The following IPO13 variants were observed in gnomAD, a reference collection of about 807,000 sequenced individuals.
IPO13 encodes the protein importin 13.
In IPO13, 28 loss-of-function variants were observed where a neutral mutation model predicts 115.5. The ratio of observed to expected loss-of-function variants is 0.24; its 90% confidence interval spans 0.18 to 0.33. IPO13 has a LOEUF of 0.33. IPO13 is among the 10% of genes least tolerant of loss of function. The pLI, the probability that IPO13 is intolerant of heterozygous loss-of-function variation, is 1.00. For missense variants in IPO13, 785 were observed against 1,204.6 expected, an observed-to-expected ratio of 0.65 and a Z score of 5.16; for synonymous variants, 414 against 478.9, an observed-to-expected ratio of 0.86 and a Z score of 1.77.
chr1:43,948,884 GC>G, intron 1 of IPO13, among the ~76,000 whole-genome samples: 1 of 152,324 alleles, frequency 6.6e-6, no homozygotes, highest in East Asian at 1.9e-4. Flanking sequence ...CAGCATGTCT[GC>G]CCCAGGGCTG....
intron 2 of IPO13, among the ~76,000 whole-genome samples, chr1:43,955,066 C>T (rs1330906854): frequency 6.6e-6 from 1 of 152,196 alleles, no homozygotes; most frequent in African/African-American, 2.4e-5. Context: ...TGAGAGGTGT[C>T]TTTATTCTTC....
In IPO13 at chr1:43,957,267, C is replaced by T; in HGVS notation, c.1344C>T (p.Asp448=). The T allele has an allele frequency of 6.2e-7, 1 of 1,614,126 alleles. No homozygotes were observed. ...CCGAGCTGCTCAGCAACCTCTATGA[C>T]AAGCTGGGTCGTTTGCTCACCAGCT... ...LGAELLSNLY[D]KLGRLLTSSE... is the part of the protein sequence containing the mutation. The change falls in exon 6 of 20, where the codon GAC becomes GAT. Residue 448 remains aspartate (D), a synonymous_variant. Transcript: ENST00000372343.
At chr1:43,953,716 A>AT (rs918486812) in intron 2 of IPO13, among the ~76,000 whole-genome samples, 52 of 151,004 alleles carry the variant, frequency 3.4e-4, no homozygotes, top group Admixed American at 7.9e-4. Context: ...TTTGAAATGT[A>AT]TTTTTTTTTC....
In IPO13 at chr1:43,956,801, C is replaced by T. The variant is rs930686297; in HGVS notation, c.1105-9C>T. On this transcript the variant is annotated splice_polypyrimidine_tract_variant and intron_variant, in intron 4 of 19. Transcript: ENST00000372343. This position sits in a 1 kb window ranked among gnomAD's most constrained non-coding sequence, Gnocchi z 4.7. ...TGAGGTGGCTAATTCTCTTCCCTGG[C>T]TCTCTCAGGATGATATTCTATCCTT... 8 of 1,613,910 alleles carry T rather than the reference C, an allele frequency of 5.0e-6. No homozygotes were observed.
intron 2 of IPO13, among the ~76,000 whole-genome samples, chr1:43,950,965 C>T (rs769264671): frequency 4.6e-5 from 7 of 152,012 alleles, no homozygotes; most frequent in South Asian, 2.1e-4. Context: ...TTTACTTTGT[C>T]GCATTGTGCT....
Position 43,967,684 on chromosome 1 carries a change from G to A in IPO13, c.*2G>A. 1 of 1,613,802 alleles carries A rather than the reference G, an allele frequency of 6.2e-7. No individual in the cohort carries two copies. The highest frequency in any genetic ancestry group is 8.5e-7 in the Non-Finnish European group (1 of 1,179,682). ...ACAGATTACACAGCTGACTACTGAGGGGTGCCCCCATCCCATCCACCCCTT... is the reference window on the plus strand; with the variant it reads ...ACAGATTACACAGCTGACTACTGAGAGGTGCCCCCATCCCATCCACCCCTT... On this transcript the variant is annotated 3_prime_UTR_variant, in exon 20 of 20. Transcript: ENST00000372343. The surrounding 1 kb of genome is among the most constrained non-coding windows in gnomAD (Gnocchi z 6.1).
chr1:43,957,054 G>T, intron 5 of IPO13, 78 bp downstream of exon 5: 1 of 1,570,876 alleles, frequency 6.4e-7, no homozygotes, highest in Non-Finnish European at 8.6e-7. Flanking sequence ...CCAAGTCCAG[G>T]CTTTCTGAAT....
intron 14 of IPO13, 68 bp downstream of exon 14, chr1:43,961,330 CCAAA>C: frequency 1.6e-6 from 2 of 1,237,336 alleles, no homozygotes; most frequent in Non-Finnish European, 2.4e-6. Context: ...AAATGGGGAG[CCAAA>C]GCTGCCCACT....
Position 43,958,950 on chromosome 1 carries a change from G to A in IPO13, c.2028+61G>A, listed in dbSNP as rs766754320. ...TTTGCCATCCCCCCAACCCCCACCT[G>A]TGGGAATGTCATTGTCACTCTTCAA... is the stretch of plus-strand genomic sequence containing the variant. On this transcript the variant is annotated intron_variant, in intron 11 of 19. Transcript: ENST00000372343. This position sits in a 1 kb window ranked among gnomAD's most constrained non-coding sequence, Gnocchi z 6.3. 2.0e-6 allele frequency: 3 copies of A among 1,484,624 alleles called. No homozygotes were observed. Among genetic ancestry groups the A allele is most frequent in the Non-Finnish European group, 2.8e-6 (3 of 1,069,706 alleles). 92.0% of individuals were successfully genotyped at this position (1,484,624 alleles called of 1,614,324 possible).
At position 43,964,317 on chromosome 1, in the gene IPO13, C is replaced by A; in HGVS notation, c.2393C>A (p.Ala798Glu). The A allele has an allele frequency of 6.2e-7, 1 of 1,602,836 alleles. No homozygotes were observed. Among genetic ancestry groups the A allele is most frequent in the Non-Finnish European group, 8.5e-7 (1 of 1,170,048 alleles). The change falls in exon 15 of 20, where the codon GCA becomes GAA. Residue 798 changes from alanine to glutamate, a missense_variant. Transcript: ENST00000372343. ...GTTGATTCATTTATGCAACTCCTGG[C>A]ACAGGTGTGTTTTAGTTTTATTCAT... The part of the protein sequence containing the change: ...DIVDSFMQLL[A>E]QALKRKPDLF...
At chr1:43,954,057 C>T (rs2085227184) in intron 2 of IPO13, among the ~76,000 whole-genome samples, 1 of 152,172 alleles carries the variant, frequency 6.6e-6, no homozygotes. Context: ...TGCCGAGTAC[C>T]CTGCCATCTG....
In IPO13 at chr1:43,961,234, C is replaced by A. The variant is rs779391316; in HGVS notation, c.2316C>A (p.Thr772=). The change falls in exon 14 of 20, where the codon ACC becomes ACA. Residue 772 remains threonine, a synonymous_variant. Transcript: ENST00000372343. ...TTGAGGCCCTCTTCCTGCTCGTCAC[C>A]TCCGTCACACTCACTCTCTTCCAGC... The part of the protein sequence containing the change: ...PPIEALFLLV[T]SVTLTLFQQG... The A allele has an allele frequency of 6.2e-7, 1 of 1,613,854 alleles. No homozygotes were observed. Among genetic ancestry groups the A allele is most frequent in the Non-Finnish European group, 8.5e-7 (1 of 1,179,852 alleles).
Position 43,958,189 on chromosome 1 carries a change from T to C in IPO13, c.1722+31T>C. On this transcript the variant is annotated intron_variant, in intron 8 of 19. Coordinates refer to ENST00000372343, the MANE Select transcript of IPO13 (RefSeq NM_014652.4). The surrounding 1 kb of genome is among the most constrained non-coding windows in gnomAD (Gnocchi z 6.3). ...CAGGGGCCCTGGATGGTGCTGGGCC[T>C]CAGAGCACACTCTGCACTGTGCTGA... The C allele has an allele frequency of 6.2e-7, 1 of 1,613,804 alleles. No individual in the cohort carries two copies. Among genetic ancestry groups the C allele is most frequent in the Non-Finnish European group, 8.5e-7 (1 of 1,179,654 alleles).
Position 43,949,924 on chromosome 1 carries a change from T to C in IPO13, c.592T>C (p.Cys198Arg), listed in dbSNP as rs1273809597. 1.2e-6 allele frequency: 2 copies of C among 1,609,852 alleles called. No individual in the cohort carries two copies. Among genetic ancestry groups the C allele is most frequent in the African/African-American group, 1.3e-5 (1 of 74,924 alleles). ...GGTGCGGACCAGCCTGGCGGTGGAA[T>C]GTGGGGCTGTCTTCCCGCTGCTGGA... ...GLVRTSLAVECGAVFPLLEQL... is the reference protein window; with the variant it reads ...GLVRTSLAVERGAVFPLLEQL... Residue 198 changes from cysteine to arginine, a missense_variant, in exon 2 of 20, where the codon TGT becomes CGT. Coordinates refer to ENST00000372343, the MANE Select transcript of IPO13 (RefSeq NM_014652.4).
chr1:43,962,412 A>C (rs192357505), intron 14 of IPO13, among the ~76,000 whole-genome samples: 1 of 152,286 alleles, frequency 6.6e-6, no homozygotes, highest in Non-Finnish European at 1.5e-5. Context: ...TGCACACTGC[A>C]GCTATAATCT....
chr1:43,963,224 C>A (rs1397952082), intron 14 of IPO13, among the ~76,000 whole-genome samples: 3 of 152,196 alleles, frequency 2.0e-5, no homozygotes, highest in Non-Finnish European at 2.9e-5. Context: ...GTGTCTTAGG[C>A]AGATGGTTTT....
rs747818907 is a variant in IPO13 at position 43,956,354 on chromosome 1, G to A, written c.856G>A (p.Val286Met). Residue 286 changes from valine to methionine, a missense_variant, in exon 3 of 20, where the codon GTG (valine) becomes ATG (methionine). Val to Met is a conservative substitution (Grantham distance 21). Transcript: ENST00000372343. The surrounding 1 kb of genome is among the most constrained non-coding windows in gnomAD (Gnocchi z 4.7). ...VNTLLKLIPL[V>M]LGLQEQLRQA... ...CACACTCCTGAAACTCATCCCGCTG[G>A]TGCTGGGTCTGCAGGAACAACTGCG... The A allele has an allele frequency of 6.2e-7, 1 of 1,614,054 alleles. No individual in the cohort carries two copies.
Position 43,966,533 on chromosome 1 carries a change from G to T in IPO13, c.2398-42G>T, listed in dbSNP as rs1030005184. The T allele has an allele frequency of 6.2e-7, 1 of 1,606,168 alleles. No homozygotes were observed. The highest frequency in any genetic ancestry group is 8.5e-7 in the Non-Finnish European group (1 of 1,172,944). ...CAGGTGAGTGGGGGGGATGGTCCTTGGAGCTGGCTGGGGCTGGGCTTACCA... is the reference window on the plus strand; with the variant it reads ...CAGGTGAGTGGGGGGGATGGTCCTTTGAGCTGGCTGGGGCTGGGCTTACCA... On this transcript the variant is annotated intron_variant, in intron 15 of 19. Coordinates refer to ENST00000372343, the MANE Select transcript of IPO13 (RefSeq NM_014652.4). This position sits in a 1 kb window ranked among gnomAD's most constrained non-coding sequence, Gnocchi z 4.1.
At chr1:43,950,230 C>T in intron 2 of IPO13, 77 bp downstream of exon 2, 1 of 1,472,052 alleles carries the variant, frequency 6.8e-7, no homozygotes. Context: ...GTTCAATAAA[C>T]ATTAATTGAA....
Sources: allele counts gnomAD v4.1 joint callset (sites outside exome capture counted in the v4.1 genomes callset), GRCh38; gene constraint gnomAD v4.1.1; non-coding constraint Gnocchi (gnomAD v3.1); transcripts MANE v1.5; gene names NCBI Gene and HGNC (gene_info 2026-07-23, HGNC 2026-07-21).